BLK: variants seen among roughly 807,000 people sequenced by gnomAD.
BLK encodes BLK proto-oncogene, Src family tyrosine kinase.
In BLK, 64 loss-of-function variants were observed where a neutral mutation model predicts 61.8. That is an observed-to-expected ratio of 1.03 (90% CI 0.85 to 1.27). The LOEUF is 1.27. Ranked by LOEUF, BLK falls within the 50% of genes most tolerant of loss-of-function variation. The pLI, the probability that BLK is intolerant of heterozygous loss-of-function variation, is 0.00. For missense variants in BLK, 853 were observed against 660.5 expected (o/e 1.29, Z -3.19); for synonymous variants, 351 against 272.0 (o/e 1.29, Z -2.86).
chr8:11,543,965 A>AT (rs34059887), intron 2 of BLK, among the ~76,000 whole-genome samples: 16,928 of 145,170 alleles, frequency 0.12, 1,143 homozygotes, highest in Non-Finnish European at 0.16. Flanking sequence ...CTGAAGATGC[A>AT]TTTTTTTTTT....
chr8:11,547,933 C>G lies in BLK; in HGVS notation c.176-99C>G. The G allele has an allele frequency of 1.1e-5, 11 of 1,030,238 alleles. No homozygotes were observed. In the South Asian group the frequency reaches 1.4e-4, roughly 13 times the overall value. The allele number at this position is 1,030,238 out of a possible 1,614,324, so 63.8% of individuals were successfully genotyped here. A position where few individuals can be genotyped will look rare whatever the true frequency, so the allele number is the denominator to read the frequency against. On this transcript the variant is annotated intron_variant, in intron 3 of 12. Transcript: ENST00000259089. ...GTGAGAACATCATTTCCATCGTGGG[C>G]AAGCAGAAGCCTGTCCTCCTTGGTA...
chr8:11,509,713 T>C (rs917030949), intron 1 of BLK: 2 of 152,224 alleles, frequency 1.3e-5, no homozygotes, highest in African/African-American at 4.8e-5. Flanking sequence ...AGGCTGATTT[T>C]GTACAGATGT....
At chr8:11,557,646 A>G (rs1447404315) in intron 9 of BLK, among the ~76,000 whole-genome samples, 2 of 152,146 alleles carry the variant, frequency 1.3e-5, no homozygotes, top group African/African-American at 4.8e-5. Flanking sequence ...AGGGGCATGA[A>G]ACTTCGAGTC....
chr8:11,547,942 G>A (rs1800718000), intron 3 of BLK, 90 bp from the exon 4 acceptor site: 1 of 1,096,724 alleles, frequency 9.1e-7, no homozygotes, highest in Admixed American at 1.7e-5. Flanking sequence ...GCAAGCAGAA[G>A]CCTGTCCTCC....
At chr8:11,520,774 G>A (rs975000491) in intron 1 of BLK, among the ~76,000 whole-genome samples, 2 of 152,144 alleles carry the variant, frequency 1.3e-5, no homozygotes, top group Admixed American at 6.5e-5. Context: ...CAGATGATCT[G>A]TTTGTCTTTC....
intron 11 of BLK, among the ~76,000 whole-genome samples, chr8:11,562,034 G>C (rs1801523152): frequency 6.6e-6 from 1 of 152,146 alleles, no homozygotes; most frequent in Non-Finnish European, 1.5e-5. Flanking sequence ...GGCCAGGCTG[G>C]TCTCGAACTC....
In BLK at chr8:11,564,047, T is replaced by C; in HGVS notation, c.1457T>C (p.Leu486Pro). 1 of 1,602,792 alleles carries C rather than the reference T, an allele frequency of 6.2e-7. No individual in the cohort carries two copies. Among genetic ancestry groups the C allele is most frequent in the Non-Finnish European group, 8.5e-7 (1 of 1,178,172 alleles). ...RPEERPTFEFLQSVLEDFYTA... is the reference protein window; with the variant it reads ...RPEERPTFEFPQSVLEDFYTA... ...GAGGAGCGGCCCACCTTCGAGTTCC[T>C]GCAGTCGGTGCTGGAGGACTTCTAC... is the stretch of plus-strand genomic sequence containing the variant. The change falls in exon 13 of 13, where the codon CTG becomes CCG. Residue 486 changes from leucine to proline, a missense_variant. Transcript: ENST00000259089.
intron 1 of BLK, among the ~76,000 whole-genome samples, chr8:11,540,311 G>A (rs1800318967): frequency 6.6e-6 from 1 of 152,004 alleles, no homozygotes. Flanking sequence ...GAATTAAAAT[G>A]CTATCTTTTT....
intron 1 of BLK, among the ~76,000 whole-genome samples, chr8:11,535,472 G>GA (rs1258850674): frequency 1.3e-5 from 2 of 152,178 alleles, no homozygotes; most frequent in African/African-American, 4.8e-5. Context: ...CATGTGTTTG[G>GA]AAAAACACCT....
chr8:11,517,673 A>G (rs970031153), intron 1 of BLK, among the ~76,000 whole-genome samples: 2 of 152,158 alleles, frequency 1.3e-5, no homozygotes, highest in African/African-American at 4.8e-5. Flanking sequence ...CCAGACCTTG[A>G]CAAGGCAGGG....
intron 1 of BLK, among the ~76,000 whole-genome samples, chr8:11,533,519 G>A (rs78776088): frequency 0.011 from 1,619 of 151,946 alleles, 24 homozygotes; most frequent in African/African-American, 0.037. Flanking sequence ...GAAAGACCAA[G>A]GGTTTGAAGT....
chr8:11,527,497 G>A (rs1351450505), intron 1 of BLK, among the ~76,000 whole-genome samples: 2 of 150,998 alleles, frequency 1.3e-5, no homozygotes, highest in Non-Finnish European at 2.9e-5. Context: ...TAGTGGGGAA[G>A]GAGTTTAATT....
At chr8:11,533,357 C>G (rs554106649) in intron 1 of BLK, among the ~76,000 whole-genome samples, 1 of 152,100 alleles carries the variant, frequency 6.6e-6, no homozygotes, top group African/African-American at 2.4e-5. Context: ...TCTCACTGCA[C>G]GCTCCCTTCT....
chr8:11,501,533 G>C (rs1321718058), intron 1 of BLK, among the ~76,000 whole-genome samples: 1 of 152,098 alleles, frequency 6.6e-6, no homozygotes, highest in Admixed American at 6.5e-5. Context: ...TTAACAACCA[G>C]CTTTCCAGGA....
intron 1 of BLK, among the ~76,000 whole-genome samples, chr8:11,535,053 C>T (rs1408498138): frequency 1.3e-5 from 2 of 151,910 alleles, no homozygotes; most frequent in East Asian, 1.9e-4. Flanking sequence ...CAGCACGTGC[C>T]TGTGGTCCTA....
chr8:11,512,773 G>T (rs748682354), intron 1 of BLK, among the ~76,000 whole-genome samples: 12 of 152,122 alleles, frequency 7.9e-5, no homozygotes, highest in Non-Finnish European at 1.6e-4. Context: ...AAGTGATTCT[G>T]CTGTCTCAGC....
Position 11,533,582 on chromosome 8 carries a change from CGGA to C in BLK, c.-1-9622_-1-9620del, listed in dbSNP as rs1054999044. 1.9e-3 allele frequency among the ~76,000 whole-genome samples: 89 copies of C among 47,730 alleles called. 3 individuals are homozygous for C. In the South Asian group the frequency reaches 0.033, roughly 18 times the overall value. The allele number at this position is 47,730 out of a possible 152,430, so 31.3% of individuals were successfully genotyped here. ...GTGCTTCAGTTTCTTCCCTGTCTGC[CGGA>C]GGAGGAGGAGGAGGAGGAGAAGGAG... On this transcript the variant is annotated intron_variant, in intron 1 of 12. Coordinates refer to ENST00000259089, the MANE Select transcript of BLK (RefSeq NM_001715.3).
rs756299584 is a variant in BLK at position 11,561,452 on chromosome 8, G to T, written c.1180G>T (p.Gly394Trp). The T allele has an allele frequency of 1.2e-6, 2 of 1,613,626 alleles. No individual in the cohort carries two copies. The highest frequency in any genetic ancestry group is 1.7e-6 in the Non-Finnish European group (2 of 1,179,848). The change falls in exon 11 of 13, where the codon GGG becomes TGG. Residue 394 changes from glycine to tryptophan, a missense_variant and splice_region_variant. Gly to Trp is a radical substitution (Grantham distance 184). Transcript: ENST00000259089. ...CGACAGTGAATACACGGCCCAAGAG[G>T]GTAAGCACAGCCCCTAACCACAAGG... ...IIDSEYTAQE[G>W]AKFPIKWTAP... is the part of the protein sequence containing the mutation.
At chr8:11,514,584 C>G (rs1331662920) in intron 1 of BLK, among the ~76,000 whole-genome samples, 1 of 152,168 alleles carries the variant, frequency 6.6e-6, no homozygotes, top group Non-Finnish European at 1.5e-5. Flanking sequence ...GATGCTGCTC[C>G]CAGCCGAAGC....
Sources: allele counts gnomAD v4.1 joint callset (sites outside exome capture counted in the v4.1 genomes callset), GRCh38; gene constraint gnomAD v4.1.1; transcripts MANE v1.5; gene names NCBI Gene and HGNC (gene_info 2026-07-23, HGNC 2026-07-21).